SRRM2: variants seen among roughly 807,000 people sequenced by gnomAD.
SRRM2 encodes serine/arginine repetitive matrix protein 2.
A neutral mutation model predicts 213.8 loss-of-function variants in SRRM2; 30 were observed. That is an observed-to-expected ratio of 0.14 (90% CI 0.10 to 0.19). SRRM2 has a LOEUF of 0.19. Among genes scored for constraint, SRRM2 ranks in the 10% least tolerant of loss-of-function variants. The probability of loss-of-function intolerance (pLI) is 1.00; values close to 1 mark genes in which losing one functional copy is unlikely to be tolerated. For missense variants in SRRM2, 4,904 were observed against 3,647.0 expected, an observed-to-expected ratio of 1.34 and a Z score of -8.88; for synonymous variants, 2,025 against 1,377.7, an observed-to-expected ratio of 1.47 and a Z score of -10.40.
intron 10 of SRRM2, among the ~76,000 whole-genome samples, chr16:2,761,236 C>T (rs1410705999): frequency 6.6e-6 from 1 of 152,192 alleles, no homozygotes; most frequent in African/African-American, 2.4e-5. Context: ...TTGCCATTCG[C>T]TTTAGGAAAC....
At position 2,761,754 on chromosome 16, in the gene SRRM2, C is replaced by G; in HGVS notation, c.1226C>G (p.Pro409Arg). ...CGGGACCGTTCACCACCTAAGTCTC[C>G]CGAGAAACTTCCCCAGTCTTCTTCC... ...PTRDRSPPKS[P>R]EKLPQSSSSE... Residue 409 changes from proline (P) to arginine (R), a missense_variant, in exon 11 of 15, where the codon CCC (proline) becomes CGC (arginine). Transcript: ENST00000301740. 6.2e-7 allele frequency: 1 copy of G among 1,613,066 alleles called. No individual in the cohort carries two copies. Among genetic ancestry groups the G allele is most frequent in the Non-Finnish European group, 8.5e-7 (1 of 1,179,428 alleles).
intron 12 of SRRM2, 139 bp from the exon 13 acceptor site, chr16:2,770,209 GGTGA>G (rs751525699): frequency 4.2e-4 from 615 of 1,451,078 alleles, no homozygotes; most frequent in Non-Finnish European, 5.2e-4. Context: ...CGGGCGGATG[GGTGA>G]GTGAGCGGAC....
chr16:2,766,802 A>G lies in SRRM2; in HGVS notation c.6274A>G (p.Thr2092Ala), dbSNP rs1567241235. 5.0e-6 allele frequency: 8 copies of G among 1,613,754 alleles called. No individual in the cohort carries two copies. The highest frequency in any genetic ancestry group is 1.1e-5 in the South Asian group (1 of 91,072). ...GSSSDRSRSA[T>A]PPATRNHSGS... Reference sequence around the variant, plus strand: ...TAGTTCTGATCGTTCACGATCTGCTACTCCTCCAGCAACAAGAAATCATTC... The same window carrying G: ...TAGTTCTGATCGTTCACGATCTGCTGCTCCTCCAGCAACAAGAAATCATTC... The change falls in exon 11 of 15, where the codon ACT (threonine) becomes GCT (alanine). Residue 2092 changes from threonine to alanine, a missense_variant. Physicochemically the swap from Thr to Ala is moderately conservative, Grantham distance 58. Coordinates refer to ENST00000301740, the MANE Select transcript of SRRM2 (RefSeq NM_016333.4). The surrounding 1 kb of genome is among the most constrained non-coding windows in gnomAD (Gnocchi z 7.0).
Position 2,759,630 on chromosome 16 carries a change from T to C in SRRM2, c.802T>C (p.Ser268Pro). 1 of 1,614,050 alleles carries C rather than the reference T, an allele frequency of 6.2e-7. No individual in the cohort carries two copies. The highest frequency in any genetic ancestry group is 1.1e-5 in the South Asian group (1 of 91,076). The change falls in exon 9 of 15, where the codon TCT (serine) becomes CCT (proline). Residue 268 changes from serine to proline, a missense_variant. Coordinates refer to ENST00000301740, the MANE Select transcript of SRRM2 (RefSeq NM_016333.4). The stretch of plus-strand genomic sequence containing the variant: ...GGCCCACCGTTCAACTTCTGCTGAC[T>C]CTGCTTCCTCCTCCGATACTTCCCG... Reference protein sequence around the residue: ...RRAHRSTSADSASSSDTSRSR... With the variant: ...RRAHRSTSADPASSSDTSRSR...
rs760067458 is a variant in SRRM2, at chr16:2,770,903, TG to T, written c.*38del. On this transcript the variant is annotated 3_prime_UTR_variant, in exon 15 of 15. Transcript: ENST00000301740. ...GGGGATTCCACCACACCCAATGCTC[TG>T]GAGCCACAAGGAGTGTCCCTTCTTC... 5 of 1,613,162 alleles carry T rather than the reference TG, an allele frequency of 3.1e-6. No homozygotes were observed. Among genetic ancestry groups the T allele is most frequent in the Non-Finnish European group, 3.4e-6 (4 of 1,179,752 alleles).
Position 2,756,453 on chromosome 16 carries a change from G to A in SRRM2, c.89G>A (p.Arg30Gln), listed in dbSNP as rs143405071. The change falls in exon 2 of 15, where the codon CGG becomes CAG. Residue 30 changes from arginine to glutamine, a missense_variant. Arg to Gln is a conservative substitution (Grantham distance 43). Coordinates refer to ENST00000301740, the MANE Select transcript of SRRM2 (RefSeq NM_016333.4). ...AACCTGTCCCTGGTGCGGGGCCGCC[G>A]GGGTGAGCGGCCTGACTACAAGGGA... ...QRNLSLVRGR[R>Q]GERPDYKGEE... The A allele has an allele frequency of 1.4e-5, 22 of 1,613,146 alleles. No homozygotes were observed. The highest frequency in any genetic ancestry group is 2.2e-5 in the East Asian group (1 of 44,882).
Position 2,766,668 on chromosome 16 carries a change from C to A in SRRM2, c.6140C>A (p.Pro2047Gln). 1 of 1,614,126 alleles carries A rather than the reference C, an allele frequency of 6.2e-7. No individual in the cohort carries two copies. The highest frequency in any genetic ancestry group is 8.5e-7 in the Non-Finnish European group (1 of 1,180,012). ...LPRKRSRSRSPLAIRRRSRSR... is the reference protein window; with the variant it reads ...LPRKRSRSRSQLAIRRRSRSR... ...CGCAAACGTTCTCGAAGTCGCTCAC[C>A]ACTTGCTATCCGCCGCCGCTCCAGA... Residue 2047 changes from proline to glutamine, a missense_variant, in exon 11 of 15, where the codon CCA becomes CAA. Pro to Gln is a moderately conservative substitution (Grantham distance 76, BLOSUM62 -1). Transcript: ENST00000301740. The surrounding 1 kb of genome is among the most constrained non-coding windows in gnomAD (Gnocchi z 7.0).
intron 4 of SRRM2, 85 bp from the exon 5 acceptor site, chr16:2,758,385 C>T: frequency 8.2e-7 from 1 of 1,223,918 alleles, no homozygotes; most frequent in Non-Finnish European, 1.2e-6. Context: ...ATTTTTATTA[C>T]TATTTTTTTA....
rs372764013 is a variant in SRRM2, at chr16:2,758,501, C to G, written c.547C>G (p.Pro183Ala). The change falls in exon 5 of 15, where the codon CCA becomes GCA. Residue 183 changes from proline (P) to alanine (A), a missense_variant. Physicochemically the swap from Pro to Ala is conservative, Grantham distance 27. Transcript: ENST00000301740. ...LVRESSSSRS[P>A]TPKQKKKKKK... ...TCGGGAGTCTAGCAGTTCTCGCTCA[C>G]CAACCCCAAAGCAGAAGAAGAAGAA... 5 of 1,613,974 alleles carry G rather than the reference C, an allele frequency of 3.1e-6. No homozygotes were observed. The highest frequency in any genetic ancestry group is 3.4e-6 in the Non-Finnish European group (4 of 1,180,028).
At chr16:2,756,312 G>C in intron 1 of SRRM2, 22 bp from the exon 2 acceptor site, 1 of 1,520,778 alleles carries the variant, frequency 6.6e-7, no homozygotes, top group Non-Finnish European at 8.8e-7. Context: ...GGCCTGACCC[G>C]TGTCTCCCCG....
intron 2 of SRRM2, among the ~76,000 whole-genome samples, chr16:2,756,921 C>G (rs1379274547): frequency 6.6e-6 from 1 of 151,926 alleles, no homozygotes; most frequent in African/African-American, 2.4e-5. Flanking sequence ...GGTAGAGGAG[C>G]TAGGTAAGCT....
At position 2,765,937 on chromosome 16, in the gene SRRM2, G is replaced by A. The variant is rs1050647845; in HGVS notation, c.5409G>A (p.Arg1803=). Residue 1803 remains arginine (R), a synonymous_variant, in exon 11 of 15, where the codon CGG becomes CGA. Transcript: ENST00000301740. ...SSQSTSRRRQ[R]SRSRSRVTRR... ...AGTCAACCTCTCGGCGAAGACAGCG[G>A]AGCCGGTCAAGGTCGCGGGTTACTC... 5 of 1,614,186 alleles carry A rather than the reference G, an allele frequency of 3.1e-6. No homozygotes were observed. The highest frequency in any genetic ancestry group is 3.4e-6 in the Non-Finnish European group (4 of 1,180,020).
chr16:2,770,812 A>C (rs1166221953), intron 14 of SRRM2, 46 bp from the exon 15 acceptor site: 1 of 1,613,492 alleles, frequency 6.2e-7, no homozygotes, highest in Non-Finnish European at 8.5e-7. Context: ...ACTGGCCTTG[A>C]GGGCTGGGGT....
intron 2 of SRRM2, 101 bp downstream of exon 2, chr16:2,756,707 C>G (rs1429309412): frequency 6.8e-7 from 1 of 1,474,462 alleles, no homozygotes; most frequent in East Asian, 2.3e-5. Flanking sequence ...AGAGGCCTGG[C>G]AAAGAGTTGT....
Position 2,763,553 on chromosome 16 carries a change from C to T in SRRM2, c.3025C>T (p.Leu1009Phe), listed in dbSNP as rs2068438049. ...VKAQTPPGPS[L>F]SGSKSPCPQE... ...GGCCCAAACTCCACCGGGGCCAAGT[C>T]TTTCTGGATCAAAGTCACCATGTCC... The change falls in exon 11 of 15, where the codon CTT (leucine) becomes TTT (phenylalanine). Residue 1009 changes from leucine to phenylalanine, a missense_variant. By Grantham distance (22) the Leu-to-Phe change is conservative. Transcript: ENST00000301740. 3 of 1,614,056 alleles carry T rather than the reference C, an allele frequency of 1.9e-6. No homozygotes were observed. The highest frequency in any genetic ancestry group is 2.5e-6 in the Non-Finnish European group (3 of 1,180,044).
At chr16:2,758,827 G>A in intron 5 of SRRM2, 158 bp from the exon 6 acceptor site, 2 of 798,552 alleles carry the variant, frequency 2.5e-6, no homozygotes, top group East Asian at 2.7e-5. Flanking sequence ...ACTTGTGCTT[G>A]TTGGAGAAAG....
rs780001920 is a variant in SRRM2 at position 2,764,903 on chromosome 16, C to T, written c.4375C>T (p.Leu1459=). Reference sequence around the variant, plus strand: ...GTCTGGGACTCCCTCGAGGCACAGCCTGTCTGGGTCCTCTCCTGGAATGAA... The same window carrying T: ...GTCTGGGACTCCCTCGAGGCACAGCTTGTCTGGGTCCTCTCCTGGAATGAA... ...DGSGTPSRHS[L]SGSSPGMKDI... is the part of the protein sequence containing the mutation. Residue 1459 remains leucine (L), a synonymous_variant, in exon 11 of 15, where the codon CTG becomes TTG. Transcript: ENST00000301740. The T allele has an allele frequency of 3.1e-6, 5 of 1,614,058 alleles. No individual in the cohort carries two copies. In the African/African-American group the frequency reaches 4.0e-5, roughly 13 times the overall value.
At chr16:2,761,453 G>A (rs917591702) in intron 10 of SRRM2, 108 bp from the exon 11 acceptor site, 8 of 863,722 alleles carry the variant, frequency 9.3e-6, no homozygotes, top group Non-Finnish European at 1.3e-5. Context: ...TGTGGTCAGA[G>A]GGTGTGTAAA....
chr16:2,765,063 C>G lies in SRRM2; in HGVS notation c.4535C>G (p.Pro1512Arg), dbSNP rs1567235899. The change falls in exon 11 of 15, where the codon CCC becomes CGC. Residue 1512 changes from proline (P) to arginine (R), a missense_variant. By Grantham distance (103) the Pro-to-Arg change is moderately radical. Transcript: ENST00000301740. ...SPELNNKCLT[P>R]QRERSGSESS... is the part of the protein sequence containing the mutation. ...GAGCTCAACAACAAGTGTCTTACCC[C>G]CCAGAGAGAAAGAAGCGGGTCAGAA... 3.1e-6 allele frequency: 5 copies of G among 1,614,102 alleles called. No individual in the cohort carries two copies. The highest frequency in any genetic ancestry group is 4.2e-6 in the Non-Finnish European group (5 of 1,180,032).
Sources: allele counts gnomAD v4.1 joint callset (sites outside exome capture counted in the v4.1 genomes callset), GRCh38; gene constraint gnomAD v4.1.1; non-coding constraint Gnocchi (gnomAD v3.1); transcripts MANE v1.5; gene names NCBI Gene and HGNC (gene_info 2026-07-23, HGNC 2026-07-21).